Variants in LURAP1L observed in about 807,000 individuals in gnomAD.
LURAP1L encodes the protein leucine rich adaptor protein 1-like.
In LURAP1L, 12 loss-of-function variants were observed where a neutral mutation model predicts 13.8. That is an observed-to-expected ratio of 0.87 (90% CI 0.56 to 1.41). The LOEUF (loss-of-function observed/expected upper bound fraction) is 1.41, where lower values mean the gene tolerates loss of function less well. Ranked by LOEUF, LURAP1L falls within the 40% of genes most tolerant of loss-of-function variation. The pLI, the probability that LURAP1L is intolerant of heterozygous loss-of-function variation, is 0.00. For synonymous variants in LURAP1L, 139 were observed against 119.2 expected, an observed-to-expected ratio of 1.17 and a Z score of -1.08; for missense variants, 375 against 292.9, an observed-to-expected ratio of 1.28 and a Z score of -2.04.
intron 1 of LURAP1L, among the ~76,000 whole-genome samples, chr9:12,801,416 T>C (rs1586882503): frequency 6.6e-6 from 1 of 152,014 alleles, no homozygotes; most frequent in African/African-American, 2.4e-5. Flanking sequence ...CAGTTCCTTA[T>C]TATGGAGCTC....
chr9:12,783,856 G>T (rs1293867070), intron 1 of LURAP1L, among the ~76,000 whole-genome samples: 4 of 145,182 alleles, frequency 2.8e-5, no homozygotes, highest in East Asian at 2.0e-4. Flanking sequence ...AATTTTGCAT[G>T]CTTCATTCTT....
At chr9:12,812,446 C>A (rs1043777719) in intron 1 of LURAP1L, among the ~76,000 whole-genome samples, 6 of 152,168 alleles carry the variant, frequency 3.9e-5, no homozygotes, top group African/African-American at 1.4e-4. Flanking sequence ...TATTTTTACT[C>A]ACTCTCTGTT....
chr9:12,785,858 G>A (rs1819343098), intron 1 of LURAP1L, among the ~76,000 whole-genome samples: 1 of 152,144 alleles, frequency 6.6e-6, no homozygotes, highest in Non-Finnish European at 1.5e-5. Flanking sequence ...TGGTTCTTAT[G>A]AAGGTACTTT....
intron 1 of LURAP1L, among the ~76,000 whole-genome samples, chr9:12,780,189 C>A (rs906382216): frequency 6.6e-6 from 1 of 152,170 alleles, no homozygotes; most frequent in Non-Finnish European, 1.5e-5. Context: ...ATCCTGACAC[C>A]ATCTTGTGTT....
intron 1 of LURAP1L, among the ~76,000 whole-genome samples, chr9:12,815,994 T>C (rs1200449156): frequency 1.3e-5 from 2 of 152,192 alleles, no homozygotes; most frequent in Admixed American, 6.5e-5. Context: ...CATCTTTTGC[T>C]GGAGTTACTG....
intron 1 of LURAP1L, among the ~76,000 whole-genome samples, chr9:12,807,020 C>CAAA (rs71329888): frequency 0.15 from 3,321 of 21,756 alleles, 552 homozygotes; most frequent in Non-Finnish European, 0.18. Flanking sequence ...GACTCCGTCT[C>CAAA]AAAAAAAAAA....
In LURAP1L at chr9:12,778,071, T is replaced by C. The variant is rs931778092; in HGVS notation, c.312+2044T>C. Among the ~76,000 whole-genome samples the C allele has an allele frequency of 2.6e-5, 4 of 152,212 alleles. No individual in the cohort carries two copies. The South Asian group carries it at 8.3e-4, about 32-fold the overall frequency. On this transcript the variant is annotated intron_variant, in intron 1 of 1. Transcript: ENST00000319264. ...TGTTGAGAGTCTCTAAGGTCCCTGATAATTTGTCGCATTTGTTGTTGTTTT... is the reference window on the plus strand; with the variant it reads ...TGTTGAGAGTCTCTAAGGTCCCTGACAATTTGTCGCATTTGTTGTTGTTTT...
chr9:12,796,760 T>A (rs1266037839), intron 1 of LURAP1L, among the ~76,000 whole-genome samples: 2 of 152,016 alleles, frequency 1.3e-5, no homozygotes, highest in East Asian at 1.9e-4. Flanking sequence ...AGAAGCAGAT[T>A]AAGCATGTGA....
At chr9:12,778,350 C>T (rs1480487293) in intron 1 of LURAP1L, among the ~76,000 whole-genome samples, 1 of 152,082 alleles carries the variant, frequency 6.6e-6, no homozygotes, top group Non-Finnish European at 1.5e-5. Flanking sequence ...TGGCACTGAA[C>T]AAGTTATAGA....
At chr9:12,788,455 T>G (rs1177216328) in intron 1 of LURAP1L, among the ~76,000 whole-genome samples, 1 of 152,106 alleles carries the variant, frequency 6.6e-6, no homozygotes, top group Non-Finnish European at 1.5e-5. Flanking sequence ...CTGGTGCCAG[T>G]AACAATGTGG....
At chr9:12,818,606 T>A (rs1586888811) in intron 1 of LURAP1L, among the ~76,000 whole-genome samples, 1 of 152,264 alleles carries the variant, frequency 6.6e-6, no homozygotes, top group Non-Finnish European at 1.5e-5. Context: ...AGGACGGTAG[T>A]GGTGAAGCAG....
At chr9:12,796,451 C>T (rs560044932) in intron 1 of LURAP1L, among the ~76,000 whole-genome samples, 2 of 151,914 alleles carry the variant, frequency 1.3e-5, no homozygotes, top group South Asian at 2.1e-4. Context: ...GTTATAAACC[C>T]TTTCCTGTGT....
At chr9:12,776,197 C>T (rs1819180234) in intron 1 of LURAP1L, among the ~76,000 whole-genome samples, 170 bp downstream of exon 1, 1 of 152,150 alleles carries the variant, frequency 6.6e-6, no homozygotes, top group African/African-American at 2.4e-5. Flanking sequence ...CCGGAGGCAG[C>T]TGCTGCGAGG....
chr9:12,777,246 C>T, intron 1 of LURAP1L: 2 of 985,158 alleles, frequency 2.0e-6, no homozygotes, highest in Non-Finnish European at 2.4e-6. Context: ...AATGGAGAAG[C>T]TGGAAAGTGG....
chr9:12,789,068 C>T (rs1012917233), intron 1 of LURAP1L, among the ~76,000 whole-genome samples: 1 of 147,566 alleles, frequency 6.8e-6, no homozygotes, highest in African/African-American at 2.6e-5. Flanking sequence ...AGAGTGAGAT[C>T]CTGCCTCCCC....
chr9:12,788,529 A>T lies in LURAP1L; in HGVS notation c.312+12502A>T, dbSNP rs570637274. 1.4e-4 allele frequency among the ~76,000 whole-genome samples: 22 copies of T among 152,342 alleles called. No individual in the cohort carries two copies. In the South Asian group the frequency reaches 4.6e-3, roughly 32 times the overall value. On this transcript the variant is annotated intron_variant, in intron 1 of 1. Transcript: ENST00000319264. ...AATGTAGTTAGTGTATACATTCGGT[A>T]TAATGTATAATTAAGAAAACTGCAA...
At chr9:12,777,253 G>A (rs751128442) in intron 1 of LURAP1L, 1 of 985,252 alleles carries the variant, frequency 1.0e-6, no homozygotes, top group Admixed American at 6.2e-5. Flanking sequence ...AAGCTGGAAA[G>A]TGGAAGTCAT....
At position 12,788,187 on chromosome 9, in the gene LURAP1L, G is replaced by GAAAGAAAGAAAGAAAGA. The variant is rs374048758; in HGVS notation, c.312+12167_312+12168insGAAAGAAAGAAAAGAAA. ...AGAAAGAAAGAAAGAAAGAAAGAAA[G>GAAAGAAAGAAAGAAAGA]AAAGAAAAGAAAAGAAAAGAAAAGC... On this transcript the variant is annotated intron_variant, in intron 1 of 1. Coordinates refer to ENST00000319264, the MANE Select transcript of LURAP1L (RefSeq NM_203403.2). Among the ~76,000 whole-genome samples, 570 of 136,554 alleles carry GAAAGAAAGAAAGAAAGA rather than the reference G, an allele frequency of 4.2e-3. 7 individuals carry two copies. The highest frequency in any genetic ancestry group is 0.014 in the African/African-American group (539 of 37,310). The allele number at this position is 136,554 out of a possible 152,430, so 89.6% of individuals were successfully genotyped here. A position where few individuals can be genotyped will look rare whatever the true frequency, so the allele number is the denominator to read the frequency against.
chr9:12,819,453 A>C (rs1161437892), intron 1 of LURAP1L, among the ~76,000 whole-genome samples: 1 of 152,174 alleles, frequency 6.6e-6, no homozygotes. Flanking sequence ...TTAACTCCTC[A>C]TACAGAAATA....
Sources: allele counts gnomAD v4.1 joint callset (sites outside exome capture counted in the v4.1 genomes callset), GRCh38; gene constraint gnomAD v4.1.1; transcripts MANE v1.5; gene names NCBI Gene and HGNC (gene_info 2026-07-23, HGNC 2026-07-21).